Variants in PHACTR1 observed in about 807,000 individuals in gnomAD.
PHACTR1 encodes phosphatase and actin regulator 1.
Under a neutral mutation model 69.2 loss-of-function variants are expected in PHACTR1, and 16 were observed. The ratio of observed to expected loss-of-function variants is 0.23; its 90% CI spans 0.16 to 0.35. PHACTR1 has a LOEUF of 0.35. Among genes scored for constraint, PHACTR1 ranks in the 10% least tolerant of loss-of-function variants. The pLI is 1.00. For synonymous variants in PHACTR1, 312 were observed against 284.5 expected, an observed-to-expected ratio of 1.10 and a Z score of -0.97; for missense variants, 510 against 734.7, an observed-to-expected ratio of 0.69 and a Z score of 3.54.
intron 4 of PHACTR1, among the ~76,000 whole-genome samples, chr6:12,791,193 G>A (rs559298001): frequency 3.9e-5 from 6 of 152,262 alleles, no homozygotes; most frequent in East Asian, 1.9e-4. Flanking sequence ...GACTGCTTCC[G>A]TCTGCAGAAG....
intron 4 of PHACTR1, among the ~76,000 whole-genome samples, chr6:12,757,801 C>A (rs1380541053): frequency 6.6e-6 from 1 of 152,094 alleles, no homozygotes; most frequent in Non-Finnish European, 1.5e-5. Context: ...TATCAGACAT[C>A]CAAGTGGCTA....
rs1246161575 is a variant in PHACTR1, at chr6:13,136,947, AATG to A, written c.416-23249_416-23247del. 1.3e-4 allele frequency among the ~76,000 whole-genome samples: 20 copies of A among 152,350 alleles called. 1 individual carries two copies. In the East Asian group the frequency reaches 2.9e-3, roughly 22 times the overall value. On this transcript the variant is annotated intron_variant, in intron 5 of 14. Coordinates refer to ENST00000332995, the MANE Select transcript of PHACTR1 (RefSeq NM_030948.6). Reference sequence around the variant, plus strand: ...AATTACAGATCACCATAACAGACCTAATGATGATGAAAAGTGTGAAAAATTGCA... The same window carrying A: ...AATTACAGATCACCATAACAGACCTAATGATGAAAAGTGTGAAAAATTGCA...
At chr6:13,238,217 G>A (rs572547390) in intron 10 of PHACTR1, among the ~76,000 whole-genome samples, 5 of 152,270 alleles carry the variant, frequency 3.3e-5, no homozygotes, top group South Asian at 2.1e-4. Flanking sequence ...ACCTAGTGAC[G>A]CTGATAGCTT....
At chr6:12,944,794 T>A (rs1031161578) in intron 4 of PHACTR1, among the ~76,000 whole-genome samples, 8 of 150,144 alleles carry the variant, frequency 5.3e-5, no homozygotes, top group African/African-American at 2.0e-4. Flanking sequence ...TTTATTTTTT[T>A]TTTTTTGAGA....
intron 4 of PHACTR1, among the ~76,000 whole-genome samples, chr6:12,855,418 C>T (rs1329680282): frequency 6.6e-6 from 1 of 152,268 alleles, no homozygotes; most frequent in Non-Finnish European, 1.5e-5. Flanking sequence ...TACCAATGCA[C>T]CCTAGCCTGG....
intron 10 of PHACTR1, among the ~76,000 whole-genome samples, chr6:13,255,434 T>G (rs1004660628): frequency 3.3e-5 from 5 of 152,148 alleles, no homozygotes; most frequent in Non-Finnish European, 7.4e-5. Flanking sequence ...GTCCTTCTCA[T>G]ATTGCAAAAT....
At chr6:12,727,977 C>G (rs886488042) in intron 3 of PHACTR1, among the ~76,000 whole-genome samples, 1 of 151,896 alleles carries the variant, frequency 6.6e-6, no homozygotes, top group Non-Finnish European at 1.5e-5. Context: ...ATCATAAAAG[C>G]AAAGCAAGGG....
chr6:12,798,039 GAC>G (rs10529531), intron 4 of PHACTR1, among the ~76,000 whole-genome samples: 18 of 137,878 alleles, frequency 1.3e-4, no homozygotes, highest in Admixed American at 5.1e-4. Flanking sequence ...TCATTTCCTA[GAC>G]ACACACACAC....
At chr6:12,787,873 G>A (rs2127655529) in intron 4 of PHACTR1, among the ~76,000 whole-genome samples, 1 of 152,224 alleles carries the variant, frequency 6.6e-6, no homozygotes, top group South Asian at 2.1e-4. Flanking sequence ...CTCAACAAAG[G>A]AGGCCAGGCA....
At chr6:12,957,231 A>G in intron 4 of PHACTR1, 1 of 418,096 alleles carries the variant, frequency 2.4e-6, no homozygotes, top group Non-Finnish European at 3.1e-6. Context: ...GACAAACTGC[A>G]TGTTAAAAAG....
intron 5 of PHACTR1, among the ~76,000 whole-genome samples, chr6:13,113,012 A>G (rs1431842361): frequency 6.6e-6 from 1 of 152,022 alleles, no homozygotes; most frequent in Non-Finnish European, 1.5e-5. Context: ...CTTGGATTTT[A>G]TGTTTAAGTC....
At chr6:13,184,997 A>G in intron 7 of PHACTR1, 1 of 1,365,742 alleles carries the variant, frequency 7.3e-7, no homozygotes, top group Non-Finnish European at 9.8e-7. Flanking sequence ...ATTGCCAACC[A>G]CTTAACAGGT....
chr6:13,173,800 C>T (rs950889189), intron 6 of PHACTR1, among the ~76,000 whole-genome samples: 4 of 152,278 alleles, frequency 2.6e-5, no homozygotes, highest in East Asian at 1.9e-4. Flanking sequence ...CCTCTGCCTC[C>T]GGGGTTCAGG....
chr6:13,136,039 A>T (rs1821493394), intron 5 of PHACTR1, among the ~76,000 whole-genome samples: 1 of 152,182 alleles, frequency 6.6e-6, no homozygotes, highest in Non-Finnish European at 1.5e-5. Flanking sequence ...ATTTATATAA[A>T]AGTGAGATTA....
intron 4 of PHACTR1, among the ~76,000 whole-genome samples, chr6:12,944,685 G>A (rs2127544483): frequency 6.6e-6 from 1 of 152,310 alleles, no homozygotes; most frequent in South Asian, 2.1e-4. Flanking sequence ...GCTAGGTAAC[G>A]TAGAGAAGAC....
At chr6:12,842,532 T>C (rs1056585550) in intron 4 of PHACTR1, among the ~76,000 whole-genome samples, 2 of 152,000 alleles carry the variant, frequency 1.3e-5, no homozygotes, top group Non-Finnish European at 2.9e-5. Context: ...ACAGTAAAGG[T>C]TTTTTATTTT....
At chr6:13,250,533 G>T (rs557963121) in intron 10 of PHACTR1, among the ~76,000 whole-genome samples, 5 of 152,340 alleles carry the variant, frequency 3.3e-5, no homozygotes, top group East Asian at 1.9e-4. Context: ...TCAGCTGCCG[G>T]CCAGATAAGA....
At chr6:13,117,741 C>T (rs1818025606) in intron 5 of PHACTR1, among the ~76,000 whole-genome samples, 1 of 152,206 alleles carries the variant, frequency 6.6e-6, no homozygotes. Flanking sequence ...GATCACATGA[C>T]TTTCTCTCTA....
At chr6:13,119,597 G>C (rs9463452) in intron 5 of PHACTR1, among the ~76,000 whole-genome samples, 2 of 152,150 alleles carry the variant, frequency 1.3e-5, no homozygotes, top group African/African-American at 2.4e-5. Context: ...TACAACTCAC[G>C]TCCCAGGTTT....
Sources: allele counts gnomAD v4.1 joint callset (sites outside exome capture counted in the v4.1 genomes callset), GRCh38; gene constraint gnomAD v4.1.1; transcripts MANE v1.5; gene names NCBI Gene and HGNC (gene_info 2026-07-23, HGNC 2026-07-21).